MIDN: variants seen among roughly 807,000 people sequenced by gnomAD.
The protein encoded by MIDN is midnolin, also known as midbrain nucleolar protein.
Under a neutral mutation model 46.1 loss-of-function variants are expected in MIDN, and 26 were observed. The ratio of observed to expected loss-of-function variants is 0.56; its 90% CI spans 0.41 to 0.78. MIDN has a LOEUF of 0.78. MIDN is among the 30% of genes least tolerant of loss of function. The pLI is 0.00. For missense variants in MIDN, 850 were observed against 771.8 expected, an observed-to-expected ratio of 1.10 and a Z score of -1.20; for synonymous variants, 432 against 343.3, an observed-to-expected ratio of 1.26 and a Z score of -2.86.
rs1410344389 is a variant in MIDN, at chr19:1,250,074, CG to C, written c.-221del. On this transcript the variant is annotated 5_prime_UTR_variant, in exon 2 of 9. Transcript: ENST00000682408. ...GAGAAGCAAGTGCCGTCCCCACCCCCGGAAGGCGCCCCCAGGAGCCGGAGCG... is the reference window on the plus strand; with the variant it reads ...GAGAAGCAAGTGCCGTCCCCACCCCCGAAGGCGCCCCCAGGAGCCGGAGCG... 1 of 152,148 alleles carries C rather than the reference CG, an allele frequency of 6.6e-6. No individual in the cohort carries two copies. The highest frequency in any genetic ancestry group is 2.0e-4 in the East Asian group (1 of 5,120). The allele number at this position is 152,148 out of a possible 1,614,324, so 9.4% of individuals were successfully genotyped here. A position where few individuals can be genotyped will look rare whatever the true frequency, so the allele number is the denominator to read the frequency against.
In MIDN at chr19:1,251,599, G is replaced by C; in HGVS notation, c.271G>C (p.Gly91Arg). The C allele has an allele frequency of 6.2e-7, 1 of 1,606,546 alleles. No individual in the cohort carries two copies. Among genetic ancestry groups the C allele is most frequent in the Non-Finnish European group, 8.5e-7 (1 of 1,177,594 alleles). ...SSGKLQEFGVGDGSKLTLVPT... is the reference protein window; with the variant it reads ...SSGKLQEFGVRDGSKLTLVPT... ...GGGGAAGCTGCAGGAGTTCGGCGTG[G>C]GTGATGGCAGCAAGCTGACCTTGGT... is the stretch of plus-strand genomic sequence containing the variant. The change falls in exon 3 of 9, where the codon GGT becomes CGT. Residue 91 changes from glycine (G) to arginine (R), a missense_variant. Gly to Arg is a moderately radical substitution (Grantham distance 125). Coordinates refer to ENST00000682408, the MANE Select transcript of MIDN (RefSeq NM_001388306.1).
chr19:1,250,406 G>A lies in MIDN; in HGVS notation c.110G>A (p.Ser37Asn). The A allele has an allele frequency of 7.5e-7, 1 of 1,335,564 alleles. No homozygotes were observed. Among genetic ancestry groups the A allele is most frequent in the Non-Finnish European group, 9.8e-7 (1 of 1,022,542 alleles). The allele number at this position is 1,335,564 out of a possible 1,614,324, so 82.7% of individuals were successfully genotyped here. A position where few individuals can be genotyped will look rare whatever the true frequency, so the allele number is the denominator to read the frequency against. ...GCGCCCATGAGCCTCGCCATCCACA[G>A]CACCACGGGCACCCGCTACGACCTG... ...EAAPMSLAIHSTTGTRYDLAV... is the reference protein window; with the variant it reads ...EAAPMSLAIHNTTGTRYDLAV... Residue 37 changes from serine to asparagine, a missense_variant, in exon 2 of 9, where the codon AGC becomes AAC. By Grantham distance (46) the Ser-to-Asn change is conservative. Transcript: ENST00000682408.
In MIDN at chr19:1,254,026, C is replaced by T; in HGVS notation, c.457C>T (p.Arg153Cys). 6 of 1,426,846 alleles carry T rather than the reference C, an allele frequency of 4.2e-6. No homozygotes were observed. The highest frequency in any genetic ancestry group is 3.2e-5 in the Admixed American group (1 of 31,608). The allele number at this position is 1,426,846 out of a possible 1,614,324, so 88.4% of individuals were successfully genotyped here. A position where few individuals can be genotyped will look rare whatever the true frequency, so the allele number is the denominator to read the frequency against. ...FRKYRFILFK[R>C]PWHRQGPQSP... ...GAAATACAGATTCATTTTATTTAAGCGTCCGTGGCACCGACAGGGACCCCA... is the reference window on the plus strand; with the variant it reads ...GAAATACAGATTCATTTTATTTAAGTGTCCGTGGCACCGACAGGGACCCCA... Residue 153 changes from arginine (R) to cysteine (C), a missense_variant, in exon 5 of 9, where the codon CGT becomes TGT. By Grantham distance (180) the Arg-to-Cys change is radical. Coordinates refer to ENST00000682408, the MANE Select transcript of MIDN (RefSeq NM_001388306.1).
Position 1,257,341 on chromosome 19 carries a change from G to A in MIDN, c.*69G>A, listed in dbSNP as rs1441274021. The A allele has an allele frequency of 7.2e-6, 10 of 1,388,084 alleles. No individual in the cohort carries two copies. The South Asian group carries it at 8.4e-5, about 12-fold the overall frequency. 86.0% of individuals were successfully genotyped at this position (1,388,084 alleles called of 1,614,324 possible). ...GGCGGCGGGGACTCCGAGAGCCCCG[G>A]AGAGAACGTGGCCCAGCCCTGGAGG... is the stretch of plus-strand genomic sequence containing the variant. On this transcript the variant is annotated 3_prime_UTR_variant, in exon 9 of 9. Transcript: ENST00000682408.
In MIDN at chr19:1,255,531, C is replaced by A. The variant is rs748743109; in HGVS notation, c.1095C>A (p.Gly365=). ...TGAGCGCCACCCGGCACTACCAGGGCATGCCCCCTTCGCTGGCCCAGCTCC... is the reference window on the plus strand; with the variant it reads ...TGAGCGCCACCCGGCACTACCAGGGAATGCCCCCTTCGCTGGCCCAGCTCC... The part of the protein sequence containing the change: ...DLLSATRHYQ[G]MPPSLAQLRC... Residue 365 remains glycine (G), a synonymous_variant, in exon 8 of 9, where the codon GGC becomes GGA. Coordinates refer to ENST00000682408, the MANE Select transcript of MIDN (RefSeq NM_001388306.1). 1 of 1,611,904 alleles carries A rather than the reference C, an allele frequency of 6.2e-7. No homozygotes were observed. Among genetic ancestry groups the A allele is most frequent in the African/African-American group, 1.3e-5 (1 of 74,928 alleles).
intron 8 of MIDN, among the ~76,000 whole-genome samples, chr19:1,256,399 C>T (rs561568311): frequency 6.0e-4 from 90 of 150,734 alleles, no homozygotes; most frequent in African/African-American, 2.0e-3. Context: ...AGGAGAATGG[C>T]GTGAACCCAG....
In MIDN at chr19:1,255,120, G is replaced by A. The variant is rs991635999; in HGVS notation, c.985+59G>A. 5 of 1,563,948 alleles carry A rather than the reference G, an allele frequency of 3.2e-6. No individual in the cohort carries two copies. The African/African-American group carries it at 6.8e-5, about 21-fold the overall frequency. On this transcript the variant is annotated intron_variant, in intron 7 of 8. Transcript: ENST00000682408. ...TGTCCCGTGACCCTGTGCATTTGGG[G>A]TCTACATCCACCCACAGGCGACTCC... is the stretch of plus-strand genomic sequence containing the variant.
chr19:1,251,408 C>A, intron 2 of MIDN, 154 bp from the exon 3 acceptor site: 1 of 638,214 alleles, frequency 1.6e-6, no homozygotes, highest in Non-Finnish European at 2.6e-6. Flanking sequence ...CCTCTCTGCA[C>A]GCGCTTAGGG....
intron 2 of MIDN, 46 bp from the exon 3 acceptor site, chr19:1,251,516 C>G: frequency 1.9e-6 from 3 of 1,575,862 alleles, no homozygotes; most frequent in South Asian, 2.3e-5. Flanking sequence ...TTCCGCGTCC[C>G]TGTGTCGTCT....
rs781740937 is a variant in MIDN at position 1,255,522 on chromosome 19, C to T, written c.1086C>T (p.His362=). The T allele has an allele frequency of 6.2e-7, 1 of 1,612,064 alleles. No individual in the cohort carries two copies. The highest frequency in any genetic ancestry group is 1.3e-5 in the African/African-American group (1 of 75,054). ...ILNDLLSATR[H]YQGMPPSLAQ... The stretch of plus-strand genomic sequence containing the variant: ...ACGACCTCCTGAGCGCCACCCGGCA[C>T]TACCAGGGCATGCCCCCTTCGCTGG... The change falls in exon 8 of 9, where the codon CAC becomes CAT. Residue 362 remains histidine, a synonymous_variant. Coordinates refer to ENST00000682408, the MANE Select transcript of MIDN (RefSeq NM_001388306.1).
chr19:1,250,511 C>G lies in MIDN; in HGVS notation c.215C>G (p.Ala72Gly), dbSNP rs746724270. Residue 72 changes from alanine (A) to glycine (G), a missense_variant, in exon 2 of 9, where the codon GCT becomes GGT. Transcript: ENST00000682408. ...CTCAAAGTGCCCAAGGAGCGCCTGG[C>G]TCTTCTCCACAAAGACACGTAGGTA... ...QRLKVPKERL[A>G]LLHKDTRLSS... is the part of the protein sequence containing the mutation. 2 of 1,320,058 alleles carry G rather than the reference C, an allele frequency of 1.5e-6. No individual in the cohort carries two copies. Among genetic ancestry groups the G allele is most frequent in the Non-Finnish European group, 2.0e-6 (2 of 1,009,932 alleles). 81.8% of individuals were successfully genotyped at this position (1,320,058 alleles called of 1,614,324 possible).
At chr19:1,252,865 C>A (rs1474415635) in intron 4 of MIDN, among the ~76,000 whole-genome samples, 3 of 151,830 alleles carry the variant, frequency 2.0e-5, no homozygotes, top group Non-Finnish European at 4.4e-5. Context: ...GCAGCAGTGG[C>A]GTGGGGGCAG....
chr19:1,257,344 A>G lies in MIDN; in HGVS notation c.*72A>G. 4.4e-6 allele frequency: 6 copies of G among 1,363,512 alleles called. No individual in the cohort carries two copies. The highest frequency in any genetic ancestry group is 5.1e-6 in the Non-Finnish European group (5 of 971,042). The allele number at this position is 1,363,512 out of a possible 1,614,324, so 84.5% of individuals were successfully genotyped here. ...GGCGGGGACTCCGAGAGCCCCGGAGAGAACGTGGCCCAGCCCTGGAGGGCA... is the reference window on the plus strand; with the variant it reads ...GGCGGGGACTCCGAGAGCCCCGGAGGGAACGTGGCCCAGCCCTGGAGGGCA... On this transcript the variant is annotated 3_prime_UTR_variant, in exon 9 of 9. Coordinates refer to ENST00000682408, the MANE Select transcript of MIDN (RefSeq NM_001388306.1).
chr19:1,254,720 C>T (rs1417733930), intron 6 of MIDN, among the ~76,000 whole-genome samples, 182 bp from the exon 7 acceptor site: 3 of 152,062 alleles, frequency 2.0e-5, no homozygotes, highest in African/African-American at 4.8e-5. Context: ...TGATCTTTGA[C>T]TCATGGGTCA....
Position 1,258,287 on chromosome 19 carries a change from G to C in MIDN, c.*1015G>C, listed in dbSNP as rs1003026475. 1.3e-5 allele frequency: 2 copies of C among 152,746 alleles called. No homozygotes were observed. Among genetic ancestry groups the C allele is most frequent in the African/African-American group, 4.8e-5 (2 of 41,578 alleles). 9.5% of individuals were successfully genotyped at this position (152,746 alleles called of 1,614,324 possible). On this transcript the variant is annotated 3_prime_UTR_variant, in exon 9 of 9. Transcript: ENST00000682408. ...GATGTGGATTTGGGACTGTCTGGGGGCCCCTCCTGCAGCGAGGATGGGAGG... is the reference window on the plus strand; with the variant it reads ...GATGTGGATTTGGGACTGTCTGGGGCCCCCTCCTGCAGCGAGGATGGGAGG...
Position 1,255,577 on chromosome 19 carries a change from C to G in MIDN, c.1141C>G (p.Pro381Ala). The G allele has an allele frequency of 2.5e-6, 4 of 1,611,256 alleles. No homozygotes were observed. The highest frequency in any genetic ancestry group is 3.4e-6 in the Non-Finnish European group (4 of 1,179,478). Residue 381 changes from proline (P) to alanine (A), a missense_variant, in exon 8 of 9, where the codon CCG (proline) becomes GCG (alanine). Physicochemically the swap from Pro to Ala is conservative, Grantham distance 27. Transcript: ENST00000682408. ...AQLRCHAQCS[P>A]ASPAPDLAPR... ...GCTCCGCTGCCACGCCCAGTGCTCC[C>G]CGGCCTCACCGGCCCCCGACCTGGC...
At position 1,255,574 on chromosome 19, in the gene MIDN, T is replaced by C. The variant is rs150627531; in HGVS notation, c.1138T>C (p.Ser380Pro). ...LAQLRCHAQCSPASPAPDLAP... is the reference protein window; with the variant it reads ...LAQLRCHAQCPPASPAPDLAP... ...CCAGCTCCGCTGCCACGCCCAGTGCTCCCCGGCCTCACCGGCCCCCGACCT... is the reference window on the plus strand; with the variant it reads ...CCAGCTCCGCTGCCACGCCCAGTGCCCCCCGGCCTCACCGGCCCCCGACCT... The change falls in exon 8 of 9, where the codon TCC becomes CCC. Residue 380 changes from serine (S) to proline (P), a missense_variant. Ser to Pro is a moderately conservative substitution (Grantham distance 74). Transcript: ENST00000682408. 4.3e-6 allele frequency: 7 copies of C among 1,611,430 alleles called. No individual in the cohort carries two copies. Among genetic ancestry groups the C allele is most frequent in the African/African-American group, 2.7e-5 (2 of 74,892 alleles).
chr19:1,254,768 G>A, intron 6 of MIDN, 134 bp from the exon 7 acceptor site: 3 of 1,087,938 alleles, frequency 2.8e-6, no homozygotes, highest in Admixed American at 4.5e-5. Context: ...TCGTGACCTT[G>A]GGCTAGTTTA....
chr19:1,256,873 A>C, intron 8 of MIDN, 122 bp from the exon 9 acceptor site: 1 of 1,410,644 alleles, frequency 7.1e-7, no homozygotes, highest in Non-Finnish European at 9.6e-7. Context: ...TCCTTTGCTG[A>C]CCTCCCTCCA....
Sources: allele counts gnomAD v4.1 joint callset (sites outside exome capture counted in the v4.1 genomes callset), GRCh38; gene constraint gnomAD v4.1.1; transcripts MANE v1.5; gene names NCBI Gene and HGNC (gene_info 2026-07-23, HGNC 2026-07-21).